The following MBNL1 variants were observed in gnomAD, a reference collection of about 807,000 sequenced individuals.
The protein encoded by MBNL1 is muscleblind-like protein 1.
MBNL1 carries 8 observed loss-of-function variants against 42.2 expected under a neutral mutation model. That is an observed-to-expected ratio of 0.19 (90% CI 0.11 to 0.34). The LOEUF (loss-of-function observed/expected upper bound fraction) is 0.34, where lower values mean the gene tolerates loss of function less well. Among genes scored for constraint, MBNL1 ranks in the 10% least tolerant of loss-of-function variants. The pLI, the probability that MBNL1 is intolerant of heterozygous loss-of-function variation, is 1.00. For missense variants in MBNL1, 309 were observed against 495.3 expected (o/e 0.62, Z 3.57); for synonymous variants, 169 against 173.9 (o/e 0.97, Z 0.22).
chr3:152,352,407 G>A (rs1056035937), intron 2 of MBNL1, among the ~76,000 whole-genome samples: 11 of 152,096 alleles, frequency 7.2e-5, no homozygotes, highest in African/African-American at 2.7e-4. Flanking sequence ...CACTAGAATT[G>A]TAAATTAAAA....
At position 152,304,001 on chromosome 3, in the gene MBNL1, C is replaced by T. The variant is rs76498879; in HGVS notation, c.174+3634C>T. Among the ~76,000 whole-genome samples, 833 of 152,162 alleles carry T rather than the reference C, an allele frequency of 5.5e-3. 7 individuals are homozygous for T. Among genetic ancestry groups the T allele is most frequent in the African/African-American group, 0.019 (793 of 41,518 alleles). ...TGATATCTATCTATAAATAGCACCC[C>T]GATCAGATTTATCATAGACACATTT... On this transcript the variant is annotated intron_variant, in intron 2 of 9. Transcript: ENST00000324210.
chr3:152,311,965 C>A, intron 2 of MBNL1, among the ~76,000 whole-genome samples: 1 of 151,318 alleles, frequency 6.6e-6, no homozygotes, highest in Admixed American at 6.6e-5. Flanking sequence ...CCGAGGCGGG[C>A]GGATCACGAG....
At chr3:152,246,650 G>T (rs35450484) in intron 2 of MBNL1, among the ~76,000 whole-genome samples, 4,211 of 151,894 alleles carry the variant, frequency 0.028, 85 homozygotes, top group Middle Eastern at 0.044. Context: ...CTGTGTTTTA[G>T]TAGATTATGT....
At position 152,300,152 on chromosome 3, in the gene MBNL1, G is replaced by T; in HGVS notation, c.-42G>T. Reference sequence around the variant, plus strand: ...GCTCTTTTTTGGGGGGGTTGGGTTTGTTGGTTTCACTGAAACATTTAACTA... The same window carrying T: ...GCTCTTTTTTGGGGGGGTTGGGTTTTTTGGTTTCACTGAAACATTTAACTA... On this transcript the variant is annotated 5_prime_UTR_variant, in exon 2 of 10. Transcript: ENST00000324210. 3 of 1,375,904 alleles carry T rather than the reference G, an allele frequency of 2.2e-6. No homozygotes were observed. Among genetic ancestry groups the T allele is most frequent in the Admixed American group, 2.2e-5 (1 of 45,440 alleles). The allele number at this position is 1,375,904 out of a possible 1,614,324, so 85.2% of individuals were successfully genotyped here.
At chr3:152,377,757 C>A (rs1239328187) in intron 2 of MBNL1, among the ~76,000 whole-genome samples, 2 of 152,150 alleles carry the variant, frequency 1.3e-5, no homozygotes, top group African/African-American at 2.4e-5. Flanking sequence ...GATCTATGAT[C>A]AGATCTATCA....
chr3:152,398,920 C>A (rs1365372022), intron 2 of MBNL1, among the ~76,000 whole-genome samples: 1 of 152,154 alleles, frequency 6.6e-6, no homozygotes, highest in Non-Finnish European at 1.5e-5. Context: ...GATATCTTTT[C>A]CAACTCTTCA....
At chr3:152,353,358 A>G (rs1315357302) in intron 2 of MBNL1, among the ~76,000 whole-genome samples, 1 of 152,232 alleles carries the variant, frequency 6.6e-6, no homozygotes, top group Non-Finnish European at 1.5e-5. Flanking sequence ...ATTTACGCTT[A>G]GTGTCTTTTG....
chr3:152,363,940 A>G (rs998825353), intron 2 of MBNL1, among the ~76,000 whole-genome samples: 2 of 152,022 alleles, frequency 1.3e-5, no homozygotes, highest in African/African-American at 4.8e-5. Flanking sequence ...GCTTTTTCAT[A>G]CTCTTTCTGA....
intron 2 of MBNL1, among the ~76,000 whole-genome samples, chr3:152,323,463 G>GCACA (rs565282540): frequency 4.3e-4 from 65 of 151,182 alleles, no homozygotes; most frequent in East Asian, 7.7e-4. Context: ...ACACGTGCGT[G>GCACA]CACACACACA....
At chr3:152,272,673 A>G (rs2042590810) in intron 1 of MBNL1, among the ~76,000 whole-genome samples, 1 of 152,112 alleles carries the variant, frequency 6.6e-6, no homozygotes, top group South Asian at 2.1e-4. Context: ...ATAGGAGGGT[A>G]TTGTTTTGAA....
intron 2 of MBNL1, among the ~76,000 whole-genome samples, chr3:152,406,994 G>T (rs1222888892): frequency 6.6e-6 from 1 of 151,154 alleles, no homozygotes; most frequent in Admixed American, 6.6e-5. Context: ...GTGTGTATTT[G>T]TATGTGTGTA....
At chr3:152,446,726 T>C in intron 5 of MBNL1, 1 of 1,613,996 alleles carries the variant, frequency 6.2e-7, no homozygotes, top group Non-Finnish European at 8.5e-7. Flanking sequence ...GTCAAATCAC[T>C]GAAGCGACCC....
At chr3:152,417,288 C>T (rs547023262) in intron 3 of MBNL1, among the ~76,000 whole-genome samples, 1 of 152,158 alleles carries the variant, frequency 6.6e-6, no homozygotes, top group Admixed American at 6.5e-5. Flanking sequence ...TTAATGTGGG[C>T]CTTACAAATA....
intron 2 of MBNL1, among the ~76,000 whole-genome samples, chr3:152,342,265 C>T (rs544915578): frequency 2.0e-5 from 3 of 152,234 alleles, no homozygotes; most frequent in Non-Finnish European, 4.4e-5. Flanking sequence ...GCACCTCCTT[C>T]CAACTCAATT....
At chr3:152,444,611 C>G (rs1362744022) in intron 4 of MBNL1, among the ~76,000 whole-genome samples, 2 of 152,156 alleles carry the variant, frequency 1.3e-5, no homozygotes, top group African/African-American at 2.4e-5. Context: ...ACTGTAGAAT[C>G]CCTCTTAAGA....
chr3:152,304,348 G>A (rs1300721479), intron 2 of MBNL1, among the ~76,000 whole-genome samples: 2 of 152,152 alleles, frequency 1.3e-5, no homozygotes, highest in South Asian at 4.1e-4. Flanking sequence ...TGTTGCTGCT[G>A]TTCTAAGCCC....
intron 3 of MBNL1, among the ~76,000 whole-genome samples, chr3:152,415,674 A>C (rs934115771): frequency 6.6e-6 from 1 of 152,228 alleles, no homozygotes; most frequent in Non-Finnish European, 1.5e-5. Context: ...GTCTCATTAA[A>C]GAAGAATTAA....
intron 4 of MBNL1, among the ~76,000 whole-genome samples, chr3:152,434,175 G>C (rs1320519119): frequency 6.6e-6 from 1 of 152,034 alleles, no homozygotes; most frequent in Non-Finnish European, 1.5e-5. Context: ...TACCCAATAG[G>C]TACTTTTTCT....
upstream of MBNL1, chr3:152,268,867 G>A (rs2038129066): frequency 2.2e-6 from 1 of 453,650 alleles, no homozygotes; most frequent in Non-Finnish European, 4.4e-6. Context: ...GCGGGGGAGG[G>A]GCCGCGCAGC....
Sources: gnomAD v4.1 joint callset for allele counts (sites outside exome capture counted in the v4.1 genomes callset) on GRCh38, gnomAD v4.1.1 for gene constraint, MANE v1.5 for transcripts, NCBI Gene and HGNC (gene_info 2026-07-23, HGNC 2026-07-21) for gene names.